The following SLIT3 variants were observed in gnomAD, a reference collection of about 807,000 sequenced individuals.
SLIT3 encodes slit guidance ligand 3.
SLIT3 carries 68 observed loss-of-function variants against 184.0 expected under a neutral mutation model. That is an observed-to-expected ratio of 0.37 (90% CI 0.30 to 0.45). The LOEUF (loss-of-function observed/expected upper bound fraction) is 0.45, where lower values mean the gene tolerates loss of function less well. Ranked by LOEUF, SLIT3 falls within the 20% of genes least tolerant of loss-of-function variation. The pLI, the probability that SLIT3 is intolerant of heterozygous loss-of-function variation, is 1.00. For missense variants in SLIT3, 1,707 were observed against 2,026.0 expected (o/e 0.84, Z 3.02); for synonymous variants, 831 against 828.6 (o/e 1.00, Z -0.05).
At chr5:169,216,103 C>T (rs1764426141) in intron 3 of SLIT3, among the ~76,000 whole-genome samples, 1 of 152,198 alleles carries the variant, frequency 6.6e-6, no homozygotes, top group Non-Finnish European at 1.5e-5. Flanking sequence ...TCACTCAGTG[C>T]CTGGAATCCA....
intron 4 of SLIT3, among the ~76,000 whole-genome samples, chr5:169,065,631 C>T (rs929227506): frequency 2.6e-5 from 4 of 152,218 alleles, no homozygotes; most frequent in East Asian, 1.9e-4. Context: ...GGCCCTGTCA[C>T]CCTCCCAAAG....
At chr5:169,008,507 G>C (rs769719614) in intron 4 of SLIT3, among the ~76,000 whole-genome samples, 5 of 152,180 alleles carry the variant, frequency 3.3e-5, no homozygotes, top group African/African-American at 7.2e-5. Context: ...GGGCCCAGAC[G>C]AGATAAGACC....
intron 1 of SLIT3, among the ~76,000 whole-genome samples, chr5:169,265,402 T>C (rs981155267): frequency 2.0e-5 from 3 of 152,182 alleles, no homozygotes; most frequent in Non-Finnish European, 4.4e-5. Context: ...TTAGTGGCCA[T>C]CATAAGCTGG....
chr5:169,093,810 A>G (rs1024617327), intron 4 of SLIT3, among the ~76,000 whole-genome samples: 8 of 152,332 alleles, frequency 5.3e-5, no homozygotes, highest in African/African-American at 1.9e-4. Flanking sequence ...CACAATTGCA[A>G]TACAAATGAT....
At chr5:169,039,776 C>T (rs756871669) in intron 4 of SLIT3, among the ~76,000 whole-genome samples, 16 of 152,186 alleles carry the variant, frequency 1.1e-4, no homozygotes, top group Admixed American at 2.6e-4. Flanking sequence ...CCCTATCAAA[C>T]GACTCCTTAT....
chr5:169,091,783 TA>T (rs992942788), intron 4 of SLIT3, among the ~76,000 whole-genome samples: 17 of 152,188 alleles, frequency 1.1e-4, no homozygotes, highest in African/African-American at 3.6e-4. Context: ...ACCGGCCTGA[TA>T]ATCAGTTATC....
chr5:168,766,848 C>T (rs1704215549), intron 14 of SLIT3, among the ~76,000 whole-genome samples: 1 of 152,236 alleles, frequency 6.6e-6, no homozygotes, highest in Admixed American at 6.5e-5. Context: ...AATGCTTTCT[C>T]TCTTACTCAA....
chr5:169,030,782 A>T (rs180969368), intron 4 of SLIT3, among the ~76,000 whole-genome samples: 17 of 152,366 alleles, frequency 1.1e-4, no homozygotes, highest in African/African-American at 4.1e-4. Context: ...ACAATATTAC[A>T]TCTATTTAAT....
At chr5:168,743,006 C>T (rs1763683789) in intron 20 of SLIT3, among the ~76,000 whole-genome samples, 1 of 152,100 alleles carries the variant, frequency 6.6e-6, no homozygotes, top group African/African-American at 2.4e-5. Context: ...GTGGCATGCG[C>T]CTGTAGTCCC....
chr5:169,046,113 A>G (rs1403755897), intron 4 of SLIT3, among the ~76,000 whole-genome samples: 1 of 152,170 alleles, frequency 6.6e-6, no homozygotes, highest in African/African-American at 2.4e-5. Flanking sequence ...CAGTGTATGG[A>G]GGGAGACCCC....
At chr5:168,768,100 CAGAGG>C in intron 14 of SLIT3, 1 of 443,342 alleles carries the variant, frequency 2.3e-6, no homozygotes. Flanking sequence ...TGCTCCAGAG[CAGAGG>C]AGAGGTGTCC....
At chr5:168,789,711 T>G in intron 10 of SLIT3, 80 bp from the exon 11 acceptor site, 1 of 998,216 alleles carries the variant, frequency 1.0e-6, no homozygotes, top group Non-Finnish European at 1.6e-6. Flanking sequence ...ATCAAGCATT[T>G]CAGACATTCA....
At chr5:169,195,735 C>T (rs749995945) in intron 3 of SLIT3, among the ~76,000 whole-genome samples, 3 of 152,010 alleles carry the variant, frequency 2.0e-5, no homozygotes, top group Non-Finnish European at 2.9e-5. Flanking sequence ...CATGTTGGCC[C>T]GACTGTTCTC....
At position 168,666,140 on chromosome 5, in the gene SLIT3, CTTAAATTT is replaced by C. The variant is rs1431237025; in HGVS notation, c.*306_*313del. 4.9e-6 allele frequency: 1 copy of C among 204,640 alleles called. No individual in the cohort carries two copies. Among genetic ancestry groups the C allele is most frequent in the African/African-American group, 2.3e-5 (1 of 43,500 alleles). The allele number at this position is 204,640 out of a possible 1,614,324, so 12.7% of individuals were successfully genotyped here. ...AGCATTTTTATTAGTCTATTTTTTTCTTAAATTTTTAAACAGCTATTTTTAAAAACACA... is the reference window on the plus strand; with the variant it reads ...AGCATTTTTATTAGTCTATTTTTTTCTTAAACAGCTATTTTTAAAAACACA... On this transcript the variant is annotated 3_prime_UTR_variant, in exon 36 of 36. Transcript: ENST00000519560.
At chr5:168,968,298 A>G (rs902136078) in intron 4 of SLIT3, among the ~76,000 whole-genome samples, 1 of 151,962 alleles carries the variant, frequency 6.6e-6, no homozygotes, top group Non-Finnish European at 1.5e-5. Flanking sequence ...AAATCTTCTC[A>G]TTGCCTCTCC....
intron 4 of SLIT3, among the ~76,000 whole-genome samples, chr5:168,897,209 G>A (rs192958789): frequency 6.4e-4 from 98 of 152,316 alleles, no homozygotes; most frequent in Admixed American, 6.3e-3. Context: ...GAGCGGACAA[G>A]TGGGGTGACA....
At chr5:169,015,931 A>AAC (rs3138760) in intron 4 of SLIT3, among the ~76,000 whole-genome samples, 4,424 of 120,280 alleles carry the variant, frequency 0.037, 86 homozygotes, top group Non-Finnish European at 0.046. Context: ...GAAAAATATA[A>AAC]ACACACACAC....
chr5:168,984,299 C>T (rs1436563410), intron 4 of SLIT3, among the ~76,000 whole-genome samples: 2 of 152,104 alleles, frequency 1.3e-5, no homozygotes, highest in East Asian at 1.9e-4. Flanking sequence ...CTGGGCCCGT[C>T]GGTGCCTGAT....
intron 4 of SLIT3, among the ~76,000 whole-genome samples, chr5:168,928,055 C>A (rs1761884839): frequency 6.6e-6 from 1 of 152,196 alleles, no homozygotes; most frequent in South Asian, 2.1e-4. Context: ...CAGATGAAGA[C>A]CTTCAAGTCA....
Sources: gnomAD v4.1 joint callset for allele counts (sites outside exome capture counted in the v4.1 genomes callset) on GRCh38, gnomAD v4.1.1 for gene constraint, MANE v1.5 for transcripts, NCBI Gene and HGNC (gene_info 2026-07-23, HGNC 2026-07-21) for gene names.